KCNH1: variants seen among roughly 807,000 people sequenced by gnomAD.
The protein encoded by KCNH1 is voltage-gated delayed rectifier potassium channel KCNH1.
A neutral mutation model predicts 69.2 loss-of-function variants in KCNH1; 27 were observed. The ratio of observed to expected loss-of-function variants is 0.39; its 90% confidence interval spans 0.29 to 0.54. The LOEUF is 0.54. KCNH1 is among the 20% of genes least tolerant of loss of function. The pLI is 0.68. For synonymous variants in KCNH1, 456 were observed against 487.7 expected (o/e 0.93, Z 0.86); for missense variants, 798 against 1,261.6 (o/e 0.63, Z 5.57).
intron 6 of KCNH1, among the ~76,000 whole-genome samples, chr1:211,003,474 T>A (rs12026374): frequency 0.15 from 22,176 of 152,186 alleles, 1,908 homozygotes; most frequent in East Asian, 0.39. Context: ...ATAAAGCCCC[T>A]AACTCTAATC....
chr1:210,781,989 C>T (rs1243855473), intron 9 of KCNH1, among the ~76,000 whole-genome samples: 1 of 152,200 alleles, frequency 6.6e-6, no homozygotes, highest in Non-Finnish European at 1.5e-5. Flanking sequence ...GCTTTCCAGG[C>T]ACTGCCCCAG....
intron 5 of KCNH1, among the ~76,000 whole-genome samples, chr1:211,078,137 A>G (rs1469512487): frequency 6.6e-6 from 1 of 152,182 alleles, no homozygotes; most frequent in African/African-American, 2.4e-5. Flanking sequence ...TAGAGACCTT[A>G]AAAGAGACTT....
At chr1:211,037,872 G>A (rs1361159784) in intron 5 of KCNH1, among the ~76,000 whole-genome samples, 1 of 151,958 alleles carries the variant, frequency 6.6e-6, no homozygotes, top group Non-Finnish European at 1.5e-5. Flanking sequence ...TATGGGGCCA[G>A]TCTTTCCCCT....
intron 6 of KCNH1, among the ~76,000 whole-genome samples, chr1:210,968,612 T>C (rs1688453915): frequency 6.6e-6 from 1 of 151,722 alleles, no homozygotes; most frequent in South Asian, 2.1e-4. Flanking sequence ...ATTTCTCTGA[T>C]GGCCAGTGAT....
chr1:210,869,217 G>T (rs1455816199), intron 7 of KCNH1, among the ~76,000 whole-genome samples: 3 of 151,934 alleles, frequency 2.0e-5, no homozygotes, highest in Admixed American at 6.6e-5. Context: ...TCAGTAATTT[G>T]ATCATGAACT....
chr1:210,705,803 C>T (rs1177556271), intron 10 of KCNH1, among the ~76,000 whole-genome samples: 1 of 152,148 alleles, frequency 6.6e-6, no homozygotes, highest in Admixed American at 6.5e-5. Context: ...TTACCTCCCC[C>T]ACTGCCTAGT....
chr1:210,914,233 T>A (rs945367889), intron 7 of KCNH1, among the ~76,000 whole-genome samples: 2 of 152,160 alleles, frequency 1.3e-5, no homozygotes, highest in African/African-American at 4.8e-5. Context: ...GTCTTCTCAA[T>A]TGCTCTGATT....
chr1:210,962,908 C>T (rs1381359412), intron 6 of KCNH1, among the ~76,000 whole-genome samples: 1 of 150,168 alleles, frequency 6.7e-6, no homozygotes, highest in Non-Finnish European at 1.5e-5. Context: ...TCTCTGGTTA[C>T]ATATGAGGTA....
In KCNH1 at chr1:211,090,803, C is replaced by T. The variant is rs73073497; in HGVS notation, c.311-113G>A. The T allele has an allele frequency of 4.0e-4, 376 of 948,970 alleles. 1 individual carries two copies. In the African/African-American group the frequency reaches 6.0e-3, roughly 15 times the overall value. The allele number at this position is 948,970 out of a possible 1,614,324, so 58.8% of individuals were successfully genotyped here. On this transcript the variant is annotated intron_variant, in intron 3 of 10. Coordinates refer to ENST00000271751, the MANE Select transcript of KCNH1 (RefSeq NM_172362.3). ...AATATTAATTCATTTTTTAAATGGT[C>T]TTATTAATACTTCAAGTGCTGGGTT...
At chr1:211,088,300 T>C (rs538081387) in intron 4 of KCNH1, among the ~76,000 whole-genome samples, 110 of 152,230 alleles carry the variant, frequency 7.2e-4, no homozygotes, top group African/African-American at 2.6e-3. Context: ...TGAGGTGCTG[T>C]ACTGAAAACC....
At chr1:210,894,544 T>A (rs1337785199) in intron 7 of KCNH1, among the ~76,000 whole-genome samples, 2 of 152,180 alleles carry the variant, frequency 1.3e-5, no homozygotes, top group African/African-American at 4.8e-5. Flanking sequence ...CTTCCTAGTT[T>A]TCTCTTTGTG....
chr1:210,829,745 G>C (rs1271270567), intron 7 of KCNH1, among the ~76,000 whole-genome samples: 1 of 152,116 alleles, frequency 6.6e-6, no homozygotes, highest in East Asian at 1.9e-4. Context: ...GCTTCTCAAA[G>C]AGGTGTAACA....
intron 7 of KCNH1, among the ~76,000 whole-genome samples, chr1:210,905,333 T>C (rs765878827): frequency 6.6e-5 from 10 of 152,156 alleles, no homozygotes; most frequent in Non-Finnish European, 1.5e-4. Flanking sequence ...ATAGTAAGTG[T>C]CTAATAAATT....
intron 7 of KCNH1, among the ~76,000 whole-genome samples, chr1:210,917,222 AGAGAGAG>A (rs778909087): frequency 2.7e-4 from 29 of 106,144 alleles, no homozygotes; most frequent in South Asian, 1.0e-3. Context: ...AGAGAGAGAG[AGAGAGAG>A]AGAAAGAAAG....
chr1:210,785,646 T>G (rs1684085556), intron 9 of KCNH1, among the ~76,000 whole-genome samples: 1 of 152,120 alleles, frequency 6.6e-6, no homozygotes. Context: ...CAGCTTGCAT[T>G]CCTACTCTTA....
intron 5 of KCNH1, among the ~76,000 whole-genome samples, chr1:211,069,109 G>C (rs1395992679): frequency 6.6e-6 from 1 of 152,148 alleles, no homozygotes; most frequent in Non-Finnish European, 1.5e-5. Flanking sequence ...TATTTAACCA[G>C]AGCCTAACTA....
chr1:210,859,519 C>T, intron 7 of KCNH1: 2 of 1,599,552 alleles, frequency 1.3e-6, no homozygotes, highest in South Asian at 1.1e-5. Flanking sequence ...TCCATCTTCA[C>T]CTGCCTGCTT....
intron 10 of KCNH1, among the ~76,000 whole-genome samples, chr1:210,686,508 C>T (rs1051030709): frequency 4.6e-5 from 7 of 152,088 alleles, no homozygotes; most frequent in African/African-American, 1.7e-4. Flanking sequence ...CTTTCTTCTG[C>T]CTACTCACAT....
intron 10 of KCNH1, among the ~76,000 whole-genome samples, chr1:210,762,584 A>G (rs1294632782): frequency 6.6e-6 from 1 of 152,174 alleles, no homozygotes; most frequent in Non-Finnish European, 1.5e-5. Context: ...CTCAGAGACT[A>G]TTATGAACAT....
Sources: allele counts gnomAD v4.1 joint callset (sites outside exome capture counted in the v4.1 genomes callset), GRCh38; gene constraint gnomAD v4.1.1; transcripts MANE v1.5; gene names NCBI Gene and HGNC (gene_info 2026-07-23, HGNC 2026-07-21).